Variants in MAOB observed in about 807,000 individuals in gnomAD.
MAOB encodes amine oxidase [flavin-containing] B.
MAOB carries 15 observed loss-of-function variants against 41.9 expected under a neutral mutation model. The observed-to-expected ratio is 0.36, with a 90% CI of 0.24 to 0.55. MAOB has a LOEUF of 0.55. Ranked by LOEUF, MAOB falls within the 20% of genes least tolerant of loss-of-function variation. The pLI is 0.86. For missense variants in MAOB, 345 were observed against 398.7 expected (o/e 0.87, Z 1.15); for synonymous variants, 167 against 144.2 (o/e 1.16, Z -1.13).
intron 5 of MAOB, among the ~76,000 whole-genome samples, chrX:43,800,599 A>G (rs781245823): frequency 9.0e-6 from 1 of 111,467 alleles, no homozygotes; most frequent in East Asian, 2.8e-4. Context: ...GATGTTTATT[A>G]TAGAGTATTG....
chrX:43,772,934 C>A (rs1452434281), intron 12 of MAOB, among the ~76,000 whole-genome samples: 1 of 112,042 alleles, frequency 8.9e-6, no homozygotes, highest in Non-Finnish European at 1.9e-5. Context: ...TGAGGCTTCA[C>A]CAGAAACTGA....
rs188911852 is a variant in MAOB, at chrX:43,841,059, A to T, written c.142-2054T>A. ...GAACTTAAAGTATAATTTAAAAAAA[A>T]GAATGAGTACAAAATGTCAGATATA... On this transcript the variant is annotated intron_variant, in intron 2 of 14. Coordinates refer to ENST00000378069, the MANE Select transcript of MAOB (RefSeq NM_000898.5). Among the ~76,000 whole-genome samples the T allele has an allele frequency of 4.5e-4, 50 of 111,446 alleles. 1 individual carries two copies. The East Asian group carries it at 0.012, about 28-fold the overall frequency.
At chrX:43,788,501 C>T (rs1179940965) in intron 8 of MAOB, among the ~76,000 whole-genome samples, 1 of 111,899 alleles carries the variant, frequency 8.9e-6, no homozygotes, top group Admixed American at 9.5e-5. Context: ...AAGAAATGCT[C>T]CTATACAAAT....
chrX:43,860,889 C>T (rs756248955), intron 1 of MAOB, among the ~76,000 whole-genome samples: 2 of 111,586 alleles, frequency 1.8e-5, no homozygotes, highest in Non-Finnish European at 3.8e-5. Flanking sequence ...TAACTGTTCC[C>T]ACATTCTGTA....
chrX:43,778,592 G>A lies in MAOB; in HGVS notation c.1137+90C>T. On this transcript the variant is annotated intron_variant, in intron 11 of 14. Coordinates refer to ENST00000378069, the MANE Select transcript of MAOB (RefSeq NM_000898.5). ...ATATTGGGAAAAACATGAACTTCAG[G>A]ACCCAACTTGCATTAACCTATCCCT... 1.7e-5 allele frequency: 12 copies of A among 719,460 alleles called. No individual in the cohort carries two copies. In the South Asian group the frequency reaches 2.8e-4, roughly 17 times the overall value. The allele number at this position is 719,460 out of a possible 1,213,427, so 59.3% of individuals were successfully genotyped here.
intron 3 of MAOB, among the ~76,000 whole-genome samples, chrX:43,821,506 T>C (rs2034880897): frequency 9.0e-6 from 1 of 111,580 alleles, no homozygotes; most frequent in Non-Finnish European, 1.9e-5. Context: ...ATGCTTTTGA[T>C]GCCTCTGAAA....
At chrX:43,779,418 G>A (rs920735463) in intron 10 of MAOB, among the ~76,000 whole-genome samples, 7 of 111,875 alleles carry the variant, frequency 6.3e-5, no homozygotes, top group Non-Finnish European at 1.3e-4. Flanking sequence ...GTGGAAGAAT[G>A]GGTGATTTCT....
intron 3 of MAOB, among the ~76,000 whole-genome samples, chrX:43,807,139 C>T (rs2034674493): frequency 8.9e-6 from 1 of 111,962 alleles, no homozygotes; most frequent in Non-Finnish European, 1.9e-5. Flanking sequence ...AACTTGCATG[C>T]TGACCTGAAA....
At chrX:43,789,452 T>C (rs1344717700) in intron 8 of MAOB, among the ~76,000 whole-genome samples, 2 of 112,225 alleles carry the variant, frequency 1.8e-5, no homozygotes, top group Non-Finnish European at 3.8e-5. Context: ...ATTGAAAACA[T>C]AAATTGAGAT....
chrX:43,824,449 C>T (rs1353198014), intron 3 of MAOB, among the ~76,000 whole-genome samples: 2 of 111,950 alleles, frequency 1.8e-5, no homozygotes, highest in African/African-American at 3.2e-5. Context: ...TTTGGGAAAC[C>T]GAGGCGGGTG....
chrX:43,845,970 T>C (rs900266059), intron 1 of MAOB, among the ~76,000 whole-genome samples: 3 of 111,929 alleles, frequency 2.7e-5, no homozygotes, highest in East Asian at 2.8e-4. Context: ...AGTTCCAAAG[T>C]CCATGAACCC....
chrX:43,876,614 C>T (rs2035441746), intron 1 of MAOB, among the ~76,000 whole-genome samples: 1 of 112,317 alleles, frequency 8.9e-6, no homozygotes, highest in Non-Finnish European at 1.9e-5. Context: ...TTGTGTTTAA[C>T]AGCTGTGTTA....
intron 1 of MAOB, among the ~76,000 whole-genome samples, chrX:43,855,249 T>G (rs2035280314): frequency 8.9e-6 from 1 of 112,112 alleles, no homozygotes; most frequent in Non-Finnish European, 1.9e-5. Context: ...AAACATTGGC[T>G]TCAATAATCA....
At chrX:43,814,172 T>C (rs891777607) in intron 3 of MAOB, among the ~76,000 whole-genome samples, 2 of 110,752 alleles carry the variant, frequency 1.8e-5, no homozygotes, top group African/African-American at 6.6e-5. Flanking sequence ...GTCTTATCTC[T>C]TTTCCAACTG....
intron 5 of MAOB, among the ~76,000 whole-genome samples, chrX:43,801,526 T>C (rs1284201247): frequency 8.9e-6 from 1 of 112,125 alleles, no homozygotes; most frequent in Non-Finnish European, 1.9e-5. Flanking sequence ...ACCCTCATAA[T>C]CCTTTCCATT....
At position 43,834,671 on chromosome X, in the gene MAOB, C is replaced by T. The variant is rs148825799; in HGVS notation, c.279+4197G>A. ...GGGGTTGTGCCAAATGCCTCCTCCT[C>T]TGTGAGGCTGTTTGAGCAATAGCAG... is the stretch of plus-strand genomic sequence containing the variant. On this transcript the variant is annotated intron_variant, in intron 3 of 14. Coordinates refer to ENST00000378069, the MANE Select transcript of MAOB (RefSeq NM_000898.5). Among the ~76,000 whole-genome samples, 330 of 111,971 alleles carry T rather than the reference C, an allele frequency of 2.9e-3. 1 individual carries two copies. The highest frequency in any genetic ancestry group is 9.9e-3 in the African/African-American group (306 of 30,881).
chrX:43,769,221 G>T, intron 13 of MAOB, 86 bp downstream of exon 13: 1 of 1,054,104 alleles, frequency 9.5e-7, no homozygotes, highest in Non-Finnish European at 1.2e-6. Context: ...CTGGAGAGTT[G>T]GTCTCCAGGC....
chrX:43,869,100 T>C (rs1569233095), intron 1 of MAOB, among the ~76,000 whole-genome samples: 4 of 111,456 alleles, frequency 3.6e-5, no homozygotes. Context: ...CCATAAACAA[T>C]GTGCTTTTTC....
At chrX:43,802,341 A>G (rs1475638548) in intron 4 of MAOB, 78 bp from the exon 5 acceptor site, 5 of 651,746 alleles carry the variant, frequency 7.7e-6, no homozygotes, top group Non-Finnish European at 1.2e-5. Flanking sequence ...GTAATTTTCC[A>G]CTTTAAATAA....
Sources: gnomAD v4.1 joint callset for allele counts (sites outside exome capture counted in the v4.1 genomes callset) on GRCh38, gnomAD v4.1.1 for gene constraint, MANE v1.5 for transcripts, NCBI Gene and HGNC (gene_info 2026-07-23, HGNC 2026-07-21) for gene names.